Variants in STK10 observed in about 807,000 individuals in gnomAD.
The protein encoded by STK10 is serine/threonine kinase 10.
A neutral mutation model predicts 113.8 loss-of-function variants in STK10; 78 were observed. The observed-to-expected ratio is 0.69, with a 90% CI of 0.57 to 0.83. The LOEUF (loss-of-function observed/expected upper bound fraction) is 0.83, where lower values mean the gene tolerates loss of function less well. Among genes scored for constraint, STK10 ranks in the 40% least tolerant of loss-of-function variants. The pLI, the probability that STK10 is intolerant of heterozygous loss-of-function variation, is 0.00. For synonymous variants in STK10, 465 were observed against 494.7 expected, an observed-to-expected ratio of 0.94 and a Z score of 0.80; for missense variants, 1,109 against 1,280.1, an observed-to-expected ratio of 0.87 and a Z score of 2.04.
intron 4 of STK10, among the ~76,000 whole-genome samples, chr5:172,113,913 CAA>C (rs11382952): frequency 2.0e-4 from 24 of 122,166 alleles, no homozygotes; most frequent in South Asian, 5.2e-4. Flanking sequence ...AACTCCATCT[CAA>C]AAAAAAAAAA....
At chr5:172,050,970 G>A (rs1312730042) in intron 18 of STK10, among the ~76,000 whole-genome samples, 2 of 152,030 alleles carry the variant, frequency 1.3e-5, no homozygotes, top group Admixed American at 6.6e-5. Context: ...CAGCACTTTA[G>A]GAGTGGTGGC....
chr5:172,106,951 A>T (rs1769127959), intron 5 of STK10, 137 bp from the exon 6 acceptor site: 2 of 826,454 alleles, frequency 2.4e-6, no homozygotes, highest in East Asian at 2.8e-5. Context: ...GTGACTTTGC[A>T]TCCCACTGTC....
intron 1 of STK10, among the ~76,000 whole-genome samples, chr5:172,175,588 C>T (rs1770744993): frequency 6.6e-6 from 1 of 152,092 alleles, no homozygotes; most frequent in Non-Finnish European, 1.5e-5. Context: ...GCTAGTCCTG[C>T]CTGCACCCCT....
At chr5:172,113,206 T>C (rs3103578) in intron 4 of STK10, among the ~76,000 whole-genome samples, 24,401 of 152,082 alleles carry the variant, frequency 0.16, 2,285 homozygotes, top group African/African-American at 0.26. Flanking sequence ...GAAAAGAGAA[T>C]TGCACACTGC....
intron 2 of STK10, among the ~76,000 whole-genome samples, chr5:172,148,419 G>A (rs888188170): frequency 3.3e-5 from 5 of 152,190 alleles, no homozygotes; most frequent in African/African-American, 1.2e-4. Context: ...CGTGCTTGGT[G>A]ACATGGTGGG....
chr5:172,143,150 G>T (rs1007700370), intron 2 of STK10, among the ~76,000 whole-genome samples: 1 of 152,208 alleles, frequency 6.6e-6, no homozygotes, highest in Non-Finnish European at 1.5e-5. Context: ...AGTGGTTCAC[G>T]AGTTCAGGAG....
At position 172,156,391 on chromosome 5, in the gene STK10, C is replaced by T. The variant is rs141099822; in HGVS notation, c.321+233G>A. Among the ~76,000 whole-genome samples, 18 of 152,296 alleles carry T rather than the reference C, an allele frequency of 1.2e-4. No homozygotes were observed. In the East Asian group the frequency reaches 3.5e-3, roughly 29 times the overall value. On this transcript the variant is annotated intron_variant, in intron 2 of 18. Transcript: ENST00000176763. ...GCTTGTAAACAGCAGGGCTGGGATTCGAGGCCAGGCCATAGCGCTTTCTGT... is the reference window on the plus strand; with the variant it reads ...GCTTGTAAACAGCAGGGCTGGGATTTGAGGCCAGGCCATAGCGCTTTCTGT...
intron 10 of STK10, among the ~76,000 whole-genome samples, chr5:172,087,538 G>T (rs1360278758): frequency 6.6e-6 from 1 of 151,794 alleles, no homozygotes; most frequent in Non-Finnish European, 1.5e-5. Flanking sequence ...GCCTCCCAAA[G>T]TGCTGGGATT....
chr5:172,165,270 T>C (rs2113827026), intron 1 of STK10, among the ~76,000 whole-genome samples: 1 of 151,728 alleles, frequency 6.6e-6, no homozygotes, highest in South Asian at 2.1e-4. Context: ...TAGCCACCCC[T>C]CCTTAACTCC....
chr5:172,179,891 G>T lies in STK10; in HGVS notation c.156+7996C>A, dbSNP rs3797321. ...ACTCTGGCTCAGGGACGGGCAAGAC[G>T]GCCTGGGAGGGCTCCTACCTCACTT... On this transcript the variant is annotated intron_variant, in intron 1 of 18. Transcript: ENST00000176763. Among the ~76,000 whole-genome samples the T allele has an allele frequency of 4.6e-5, 7 of 152,232 alleles. No individual in the cohort carries two copies. In the South Asian group the frequency reaches 1.4e-3, roughly 32 times the overall value.
At chr5:172,149,278 A>G (rs954848194) in intron 2 of STK10, among the ~76,000 whole-genome samples, 1 of 152,336 alleles carries the variant, frequency 6.6e-6, no homozygotes, top group East Asian at 1.9e-4. Flanking sequence ...CCAACTATCC[A>G]CATCATCATG....
At chr5:172,118,110 C>T (rs978013328) in intron 3 of STK10, among the ~76,000 whole-genome samples, 5 of 151,326 alleles carry the variant, frequency 3.3e-5, no homozygotes, top group African/African-American at 7.3e-5. Flanking sequence ...ATTTTGTCTT[C>T]ATAACAGTCC....
chr5:172,177,856 C>T (rs1458091820), intron 1 of STK10, among the ~76,000 whole-genome samples: 1 of 152,092 alleles, frequency 6.6e-6, no homozygotes, highest in Non-Finnish European at 1.5e-5. Flanking sequence ...GAGACAGAGT[C>T]TTGCTCTGTT....
intron 2 of STK10, among the ~76,000 whole-genome samples, chr5:172,145,732 T>C (rs1196420504): frequency 2.0e-5 from 3 of 152,212 alleles, no homozygotes; most frequent in Non-Finnish European, 4.4e-5. Flanking sequence ...AGCCTCAGTA[T>C]GCTCATCTGT....
chr5:172,179,908 A>G (rs1770821381), intron 1 of STK10, among the ~76,000 whole-genome samples: 1 of 152,022 alleles, frequency 6.6e-6, no homozygotes, highest in Non-Finnish European at 1.5e-5. Flanking sequence ...GAGGGCTCCT[A>G]CCTCACTTAA....
At chr5:172,055,075 C>T (rs766452685) in intron 16 of STK10, among the ~76,000 whole-genome samples, 1 of 152,206 alleles carries the variant, frequency 6.6e-6, no homozygotes, top group Non-Finnish European at 1.5e-5. Flanking sequence ...CAACATAGCA[C>T]CAAGCTCTAC....
chr5:172,127,567 G>A (rs56210462), intron 2 of STK10, 146 bp from the exon 3 acceptor site: 2 of 761,392 alleles, frequency 2.6e-6, no homozygotes, highest in Admixed American at 5.5e-5. Flanking sequence ...TGCCTTGGGA[G>A]CCCGTCCCCC....
rs995796195 is a variant in STK10, at chr5:172,159,277, C to T, written c.157-2489G>A. Among the ~76,000 whole-genome samples, 8 of 152,248 alleles carry T rather than the reference C, an allele frequency of 5.3e-5. No homozygotes were observed. In the South Asian group the frequency reaches 6.2e-4, roughly 12 times the overall value. On this transcript the variant is annotated intron_variant, in intron 1 of 18. Coordinates refer to ENST00000176763, the MANE Select transcript of STK10 (RefSeq NM_005990.4). ...ACACATGGCCAGGCACGGTGGCTCA[C>T]GCCTACAATCCCAGCATTTGGGAAT...
At position 172,043,648 on chromosome 5, in the gene STK10, A is replaced by G. The variant is rs1240789639; in HGVS notation, c.*1234T>C. 1 of 152,200 alleles carries G rather than the reference A, an allele frequency of 6.6e-6. No homozygotes were observed. Among genetic ancestry groups the G allele is most frequent in the East Asian group, 1.9e-4 (1 of 5,192 alleles). The allele number at this position is 152,200 out of a possible 1,614,324, so 9.4% of individuals were successfully genotyped here. ...TTCAAACATTTGCTTTTATTGCGTT[A>G]TATACATTCTGCAGCTGTAGAATCA... On this transcript the variant is annotated 3_prime_UTR_variant, in exon 19 of 19. Coordinates refer to ENST00000176763, the MANE Select transcript of STK10 (RefSeq NM_005990.4).
Sources: gnomAD v4.1 joint callset for allele counts (sites outside exome capture counted in the v4.1 genomes callset) on GRCh38, gnomAD v4.1.1 for gene constraint, MANE v1.5 for transcripts, NCBI Gene and HGNC (gene_info 2026-07-23, HGNC 2026-07-21) for gene names.